The following ACTR3C variants were observed in gnomAD, a reference collection of about 807,000 sequenced individuals.
ACTR3C encodes the protein actin related protein 3C, also known as actin-related protein 3C.
ACTR3C carries 18 observed loss-of-function variants against 26.3 expected under a neutral mutation model. The observed-to-expected ratio is 0.68, with a 90% CI of 0.47 to 1.01. The LOEUF (loss-of-function observed/expected upper bound fraction) is 1.01, where lower values mean the gene tolerates loss of function less well. ACTR3C is among the 50% of genes least tolerant of loss of function. The pLI is 0.00. For synonymous variants in ACTR3C, 55 were observed against 94.5 expected, an observed-to-expected ratio of 0.58 and a Z score of 2.42; for missense variants, 184 against 250.7, an observed-to-expected ratio of 0.73 and a Z score of 1.80.
the ACTR3C span, among the ~76,000 whole-genome samples, chr7:150,043,454 G>T: frequency 2.0e-5 from 3 of 152,210 alleles, no homozygotes; most frequent in East Asian, 1.9e-4. Context: ...TTTGCTTCTT[G>T]TACTAGCTGG....
the ACTR3C span, among the ~76,000 whole-genome samples, chr7:150,222,738 A>G: frequency 1.3e-5 from 2 of 152,206 alleles, no homozygotes; most frequent in African/African-American, 4.8e-5. Flanking sequence ...TCAAGCTTGA[A>G]CACTTTGCAC....
the ACTR3C span, among the ~76,000 whole-genome samples, chr7:150,112,564 C>T: frequency 3.9e-5 from 6 of 152,316 alleles, no homozygotes; most frequent in East Asian, 1.2e-3. Flanking sequence ...TGTCAGCCCT[C>T]CTGGCTGGGA....
the ACTR3C span, among the ~76,000 whole-genome samples, chr7:149,956,780 G>T: frequency 6.6e-6 from 1 of 151,952 alleles, no homozygotes; most frequent in African/African-American, 2.4e-5. Flanking sequence ...GCGATGTAGG[G>T]GCTGGATAGA....
chr7:149,993,516 T>A, the ACTR3C span, among the ~76,000 whole-genome samples: 1 of 152,196 alleles, frequency 6.6e-6, no homozygotes, highest in Non-Finnish European at 1.5e-5. Context: ...GCCATCAGTA[T>A]GGCTGATGGA....
the ACTR3C span, among the ~76,000 whole-genome samples, chr7:150,199,761 G>A: frequency 3.7e-4 from 52 of 138,872 alleles, no homozygotes; most frequent in Non-Finnish European, 6.9e-4. Context: ...AGTACTGGAG[G>A]TCCTGACCAA....
At chr7:149,964,693 AG>A in the ACTR3C span, among the ~76,000 whole-genome samples, 173 of 152,338 alleles carry the variant, frequency 1.1e-3, no homozygotes, top group Middle Eastern at 3.4e-3. Flanking sequence ...ATATATATTT[AG>A]TGAGCCAAGG....
At chr7:150,314,043 A>G (rs1216153763) in intron 1 of ACTR3C, among the ~76,000 whole-genome samples, 1 of 152,214 alleles carries the variant, frequency 6.6e-6, no homozygotes, top group Non-Finnish European at 1.5e-5. Context: ...TGGTCCCTCC[A>G]GGGCGAGTGA....
At chr7:149,926,663 T>G in the ACTR3C span, among the ~76,000 whole-genome samples, 1 of 152,132 alleles carries the variant, frequency 6.6e-6, no homozygotes, top group African/African-American at 2.4e-5. Flanking sequence ...CCCGGTTTCC[T>G]GTAGGCTCCA....
the ACTR3C span, among the ~76,000 whole-genome samples, chr7:150,060,656 G>A: frequency 1.3e-5 from 2 of 152,278 alleles, no homozygotes; most frequent in African/African-American, 4.8e-5. Context: ...TGAGCACACT[G>A]AGAACAACTT....
intron 1 of ACTR3C, among the ~76,000 whole-genome samples, chr7:150,309,632 C>G (rs988270208): frequency 6.6e-6 from 1 of 152,304 alleles, no homozygotes; most frequent in South Asian, 2.1e-4. Context: ...ATTCAAGTGC[C>G]GCAAAACTGG....
chr7:150,033,712 ACC>A, the ACTR3C span, among the ~76,000 whole-genome samples: 1 of 124,784 alleles, frequency 8.0e-6, no homozygotes, highest in Non-Finnish European at 1.7e-5. Context: ...GGTACTAACA[ACC>A]AGGGGCGGAA....
At chr7:150,037,160 C>CT in the ACTR3C span, among the ~76,000 whole-genome samples, 1 of 48,432 alleles carries the variant, frequency 2.1e-5, no homozygotes, top group Non-Finnish European at 4.6e-5. Context: ...GTGCCTCCCC[C>CT]CCTGTGATGG....
intron 6 of ACTR3C, among the ~76,000 whole-genome samples, chr7:150,280,967 G>C (rs1584915280): frequency 6.6e-6 from 1 of 152,368 alleles, no homozygotes; most frequent in African/African-American, 2.4e-5. Context: ...CAAGGCGCAG[G>C]TGTGGCAGAG....
At chr7:150,298,442 T>C (rs1584960806) in intron 1 of ACTR3C, among the ~76,000 whole-genome samples, 2 of 150,294 alleles carry the variant, frequency 1.3e-5, no homozygotes, top group South Asian at 2.2e-4. Context: ...TTAAGAGATG[T>C]GAAGTCAAAC....
the ACTR3C span, among the ~76,000 whole-genome samples, chr7:150,065,574 C>T: frequency 6.6e-6 from 1 of 152,094 alleles, no homozygotes; most frequent in Non-Finnish European, 1.5e-5. Flanking sequence ...GAAAGCAGAG[C>T]CTAGGGAAGA....
At chr7:150,120,111 A>G in the ACTR3C span, among the ~76,000 whole-genome samples, 10 of 152,332 alleles carry the variant, frequency 6.6e-5, no homozygotes, top group Admixed American at 2.6e-4. Context: ...TTATGGCACT[A>G]AACACCCACA....
the ACTR3C span, among the ~76,000 whole-genome samples, chr7:150,100,629 C>T: frequency 0.44 from 66,189 of 151,168 alleles, 15,690 homozygotes; most frequent in East Asian, 0.69. Flanking sequence ...CATTGCAAAG[C>T]AAATTTACTT....
chr7:150,150,854 C>G, the ACTR3C span, among the ~76,000 whole-genome samples: 100 of 136,364 alleles, frequency 7.3e-4, 19 homozygotes, highest in Admixed American at 2.1e-3. Flanking sequence ...AGGAGAGCAA[C>G]AATTAATACT....
the ACTR3C span, among the ~76,000 whole-genome samples, chr7:150,198,009 C>T: frequency 6.6e-6 from 1 of 151,292 alleles, no homozygotes; most frequent in African/African-American, 2.5e-5. Flanking sequence ...CATGCGCCGC[C>T]ACGCCTGACT....
Sources: allele counts gnomAD v4.1 joint callset (sites outside exome capture counted in the v4.1 genomes callset), GRCh38; gene constraint gnomAD v4.1.1; transcripts MANE v1.5; gene names NCBI Gene and HGNC (gene_info 2026-07-23, HGNC 2026-07-21).